Variants in SAMD4A observed in about 807,000 individuals in gnomAD.
The protein encoded by SAMD4A is sterile alpha motif domain containing 4A.
A neutral mutation model predicts 81.3 loss-of-function variants in SAMD4A; 33 were observed. The ratio of observed to expected loss-of-function variants is 0.41; its 90% CI spans 0.31 to 0.54. The LOEUF is 0.54. Ranked by LOEUF, SAMD4A falls within the 20% of genes least tolerant of loss-of-function variation. SAMD4A has a pLI of 0.37. For synonymous variants in SAMD4A, 389 were observed against 382.1 expected, an observed-to-expected ratio of 1.02 and a Z score of -0.21; for missense variants, 854 against 951.1, an observed-to-expected ratio of 0.90 and a Z score of 1.34.
intron 9 of SAMD4A, among the ~76,000 whole-genome samples, chr14:54,774,672 G>T (rs1407019833): frequency 9.1e-6 from 1 of 109,366 alleles, no homozygotes; most frequent in Admixed American, 9.8e-5. Context: ...AAGTTAGCTG[G>T]GCATGGTGGC....
At chr14:54,749,496 A>G (rs536564338) in intron 5 of SAMD4A, among the ~76,000 whole-genome samples, 4 of 152,340 alleles carry the variant, frequency 2.6e-5, no homozygotes, top group African/African-American at 9.6e-5. Context: ...GGAGTAAATT[A>G]TACAAAATAT....
chr14:54,579,306 T>C (rs2033397434), intron 2 of SAMD4A, among the ~76,000 whole-genome samples: 1 of 152,242 alleles, frequency 6.6e-6, no homozygotes, highest in Non-Finnish European at 1.5e-5. Flanking sequence ...TTCTAAGTTA[T>C]ATGAATCCCA....
chr14:54,717,946 G>C (rs2037163518), intron 3 of SAMD4A, among the ~76,000 whole-genome samples: 1 of 145,552 alleles, frequency 6.9e-6, no homozygotes, highest in Non-Finnish European at 1.5e-5. Context: ...AGCTGTGTAT[G>C]GTCACAGTTC....
chr14:54,661,754 C>T (rs1161726285), intron 2 of SAMD4A, among the ~76,000 whole-genome samples: 2 of 152,140 alleles, frequency 1.3e-5, no homozygotes, highest in African/African-American at 4.8e-5. Flanking sequence ...TTGCCCCAAA[C>T]CCATCCCCAC....
intron 2 of SAMD4A, among the ~76,000 whole-genome samples, chr14:54,602,076 T>C (rs2034067752): frequency 6.6e-6 from 1 of 152,152 alleles, no homozygotes; most frequent in Non-Finnish European, 1.5e-5. Flanking sequence ...ACTTCTTTTT[T>C]TCTCTCACTT....
intron 2 of SAMD4A, among the ~76,000 whole-genome samples, chr14:54,573,648 C>G (rs2033200061): frequency 3.3e-5 from 5 of 152,198 alleles, no homozygotes; most frequent in East Asian, 1.9e-4. Flanking sequence ...TCCTTTTCAT[C>G]TCTCCTGATC....
chr14:54,604,543 G>A (rs554287213), intron 2 of SAMD4A, among the ~76,000 whole-genome samples: 4 of 152,284 alleles, frequency 2.6e-5, no homozygotes, highest in East Asian at 1.9e-4. Flanking sequence ...TCTATGCAAC[G>A]TACAATTTTA....
At chr14:54,754,490 A>T (rs560283527) in intron 6 of SAMD4A, among the ~76,000 whole-genome samples, 1 of 152,232 alleles carries the variant, frequency 6.6e-6, no homozygotes, top group East Asian at 1.9e-4. Context: ...AGCTGATGAG[A>T]TGGGGTGGGA....
At chr14:54,695,553 T>C (rs1391537833) in intron 2 of SAMD4A, among the ~76,000 whole-genome samples, 1 of 152,226 alleles carries the variant, frequency 6.6e-6, no homozygotes. Context: ...CTTGGTCACA[T>C]AGACCAGCTC....
chr14:54,667,687 A>G (rs2035785789), intron 2 of SAMD4A, among the ~76,000 whole-genome samples: 1 of 152,166 alleles, frequency 6.6e-6, no homozygotes, highest in African/African-American at 2.4e-5. Flanking sequence ...TCTTGCTGTC[A>G]TGTGCAATTT....
chr14:54,736,877 C>G (rs1050328065), intron 3 of SAMD4A, 147 bp from the exon 4 acceptor site: 1 of 910,366 alleles, frequency 1.1e-6, no homozygotes, highest in Admixed American at 2.5e-5. Flanking sequence ...AACGACCATG[C>G]CAGGCCTGTA....
intron 2 of SAMD4A, among the ~76,000 whole-genome samples, chr14:54,651,681 A>AT (rs1244369081): frequency 6.6e-6 from 1 of 152,166 alleles, no homozygotes; most frequent in Non-Finnish European, 1.5e-5. Flanking sequence ...TTTATTTGAG[A>AT]TTTTCAGGGT....
intron 12 of SAMD4A, among the ~76,000 whole-genome samples, chr14:54,785,053 A>G (rs531168533): frequency 5.9e-5 from 9 of 152,350 alleles, no homozygotes; most frequent in African/African-American, 2.2e-4. Context: ...GCCTGGTCCA[A>G]GCATAGCCCA....
chr14:54,616,424 A>G (rs1247649861), intron 2 of SAMD4A, among the ~76,000 whole-genome samples: 1 of 152,228 alleles, frequency 6.6e-6, no homozygotes, highest in Non-Finnish European at 1.5e-5. Flanking sequence ...TCATTGCATT[A>G]GAAGCCTATT....
intron 2 of SAMD4A, among the ~76,000 whole-genome samples, chr14:54,678,431 ATTTGTGTGTGTGTGTGTGTGTGTGTGTG>A (rs2036039960): frequency 1.3e-5 from 1 of 77,358 alleles, no homozygotes; most frequent in Non-Finnish European, 2.5e-5. Context: ...GGCAGTCACC[ATTTGTGTGTGTGTGTGTGTGTGTGTGTG>A]TGTGTGTGTG....
chr14:54,578,973 T>C (rs2033388008), intron 2 of SAMD4A, among the ~76,000 whole-genome samples: 1 of 152,220 alleles, frequency 6.6e-6, no homozygotes, highest in Non-Finnish European at 1.5e-5. Flanking sequence ...GTGCTGAGTG[T>C]GTTAGGCACT....
Position 54,678,621 on chromosome 14 carries a change from T to C in SAMD4A, c.197-23441T>C, listed in dbSNP as rs112547726. 2.9e-3 allele frequency among the ~76,000 whole-genome samples: 435 copies of C among 150,786 alleles called. 3 individuals carry two copies. Among genetic ancestry groups the C allele is most frequent in the African/African-American group, 0.01 (413 of 40,982 alleles). On this transcript the variant is annotated intron_variant, in intron 2 of 12. Transcript: ENST00000554335. ...CGGAGTGCAGCGGCGCGATCACGGC[T>C]CACTGCAAGCTCCGCCTCCCGGGTT...
intron 3 of SAMD4A, among the ~76,000 whole-genome samples, chr14:54,719,692 T>G (rs1044985167): frequency 6.6e-6 from 1 of 152,114 alleles, no homozygotes; most frequent in African/African-American, 2.4e-5. Context: ...TGGGTTTGAG[T>G]CCCAGTTCCA....
intron 2 of SAMD4A, chr14:54,687,476 A>T (rs754536435): frequency 2.4e-6 from 1 of 410,494 alleles, no homozygotes; most frequent in Non-Finnish European, 4.8e-6. Flanking sequence ...CCAAAAAACA[A>T]TATCTAGAAT....
Sources: gnomAD v4.1 joint callset for allele counts (sites outside exome capture counted in the v4.1 genomes callset) on GRCh38, gnomAD v4.1.1 for gene constraint, MANE v1.5 for transcripts, NCBI Gene and HGNC (gene_info 2026-07-23, HGNC 2026-07-21) for gene names.